Variants in KHDRBS2 observed in about 807,000 individuals in gnomAD.
KHDRBS2 encodes the protein KH RNA binding domain containing, signal transduction associated 2, also known as KH domain-containing, RNA-binding, signal transduction-associated protein 2.
Under a neutral mutation model 44.3 loss-of-function variants are expected in KHDRBS2, and 26 were observed. That is an observed-to-expected ratio of 0.59 (90% confidence interval 0.43 to 0.81). KHDRBS2 has a LOEUF of 0.81. Among genes scored for constraint, KHDRBS2 ranks in the 40% least tolerant of loss-of-function variants. The pLI is 0.00. For missense variants in KHDRBS2, 476 were observed against 433.1 expected, an observed-to-expected ratio of 1.10 and a Z score of -0.88; for synonymous variants, 194 against 151.1, an observed-to-expected ratio of 1.28 and a Z score of -2.08.
chr6:62,163,700 G>T (rs140144433), intron 2 of KHDRBS2, among the ~76,000 whole-genome samples: 1 of 151,950 alleles, frequency 6.6e-6, no homozygotes, highest in African/African-American at 2.4e-5. Context: ...AGGATCTTTG[G>T]TGCAGACAGA....
At chr6:61,598,831 T>A in the KHDRBS2 span, among the ~76,000 whole-genome samples, 1 of 43,578 alleles carries the variant, frequency 2.3e-5, no homozygotes, top group South Asian at 5.8e-4. Context: ...TGTCCTTTTT[T>A]CTTTTCTTTT....
chr6:61,683,356 T>TAA (rs1254114729), intron 8 of KHDRBS2, among the ~76,000 whole-genome samples: 2 of 151,872 alleles, frequency 1.3e-5, no homozygotes, highest in African/African-American at 4.8e-5. Flanking sequence ...ATTGATGAGC[T>TAA]AAAACTCTTC....
At chr6:61,566,129 G>T in the KHDRBS2 span, among the ~76,000 whole-genome samples, 6 of 152,118 alleles carry the variant, frequency 3.9e-5, no homozygotes, top group South Asian at 1.0e-3. Flanking sequence ...TGTAAAATAA[G>T]CCAGACATAG....
chr6:62,032,873 A>T (rs1784605419), intron 3 of KHDRBS2, among the ~76,000 whole-genome samples: 1 of 151,984 alleles, frequency 6.6e-6, no homozygotes, highest in Admixed American at 6.6e-5. Context: ...CTAAATAAGG[A>T]ACCAAAGATC....
the KHDRBS2 span, among the ~76,000 whole-genome samples, chr6:61,573,226 C>T: frequency 6.6e-6 from 1 of 151,616 alleles, no homozygotes; most frequent in African/African-American, 2.4e-5. Context: ...ACAACAGCTG[C>T]AAAAAAATAA....
At chr6:61,563,658 C>T in the KHDRBS2 span, among the ~76,000 whole-genome samples, 1 of 152,008 alleles carries the variant, frequency 6.6e-6, no homozygotes, top group African/African-American at 2.4e-5. Flanking sequence ...AGTCACAGCC[C>T]TTTTTACCTC....
Position 62,177,079 on chromosome 6 carries a change from T to C in KHDRBS2, c.219+106A>G, listed in dbSNP as rs182165791. 1.4e-3 allele frequency: 947 copies of C among 699,238 alleles called. 2 individuals carry two copies. Among genetic ancestry groups the C allele is most frequent in the Non-Finnish European group, 1.8e-3 (811 of 457,050 alleles). 43.3% of individuals were successfully genotyped at this position (699,238 alleles called of 1,614,324 possible). ...TATCATGTGCTTGCATACACTTACA[T>C]TATGAAGCTTCAAATATTTATTTTA... On this transcript the variant is annotated intron_variant, in intron 2 of 8. Transcript: ENST00000281156.
At chr6:61,993,875 G>T (rs1054330738) in intron 3 of KHDRBS2, among the ~76,000 whole-genome samples, 9 of 151,778 alleles carry the variant, frequency 5.9e-5, no homozygotes, top group Admixed American at 1.3e-4. Flanking sequence ...GGAAACAAAA[G>T]ATTTTTTGAC....
the KHDRBS2 span, among the ~76,000 whole-genome samples, chr6:61,589,369 C>G: frequency 1.3e-5 from 2 of 152,260 alleles, no homozygotes; most frequent in South Asian, 2.1e-4. Flanking sequence ...TCACTAAGGA[C>G]ACCTTTTGGG....
intron 3 of KHDRBS2, among the ~76,000 whole-genome samples, chr6:62,024,401 T>G (rs1782923266): frequency 6.6e-6 from 1 of 151,526 alleles, no homozygotes; most frequent in Non-Finnish European, 1.5e-5. Context: ...GTCAGGCATG[T>G]GCATAGTAAC....
At chr6:62,033,061 T>C (rs924384027) in intron 3 of KHDRBS2, among the ~76,000 whole-genome samples, 2 of 151,622 alleles carry the variant, frequency 1.3e-5, no homozygotes, top group African/African-American at 2.4e-5. Flanking sequence ...AGTTGAAAAA[T>C]GTAACTGGCA....
At chr6:61,678,096 C>G (rs1473168280), downstream of KHDRBS2, among the ~76,000 whole-genome samples, 6 of 151,552 alleles carry the variant, frequency 4.0e-5, no homozygotes, top group Non-Finnish European at 5.9e-5. Flanking sequence ...CAGACCAAGT[C>G]GATCATTAAA....
At chr6:61,630,593 T>C in the KHDRBS2 span, 1 of 152,202 alleles carries the variant, frequency 6.6e-6, no homozygotes, top group Non-Finnish European at 1.5e-5. Context: ...TGGTGAGTTG[T>C]ATGCTTACAG....
At chr6:61,830,203 G>A (rs1791573893) in intron 6 of KHDRBS2, among the ~76,000 whole-genome samples, 1 of 152,156 alleles carries the variant, frequency 6.6e-6, no homozygotes, top group East Asian at 1.9e-4. Context: ...TATGGGTAGA[G>A]CTTATTCTCA....
the KHDRBS2 span, among the ~76,000 whole-genome samples, chr6:61,552,543 G>C: frequency 1.3e-5 from 2 of 152,064 alleles, no homozygotes; most frequent in African/African-American, 4.8e-5. Flanking sequence ...ATGTTGACTA[G>C]GAGTGGTGAA....
intron 2 of KHDRBS2, among the ~76,000 whole-genome samples, chr6:62,108,653 TTC>T (rs1266023379): frequency 6.6e-6 from 1 of 152,222 alleles, no homozygotes; most frequent in African/African-American, 2.4e-5. Context: ...CACACGTATG[TTC>T]ATTGCGGCAC....
At chr6:61,710,145 G>T (rs1396796859) in intron 7 of KHDRBS2, among the ~76,000 whole-genome samples, 1 of 151,598 alleles carries the variant, frequency 6.6e-6, no homozygotes, top group Non-Finnish European at 1.5e-5. Flanking sequence ...GAAAGAATAT[G>T]TGAGTTGACA....
At chr6:62,255,734 T>C (rs990544136) in intron 1 of KHDRBS2, among the ~76,000 whole-genome samples, 1 of 151,844 alleles carries the variant, frequency 6.6e-6, no homozygotes, top group Admixed American at 6.6e-5. Flanking sequence ...TGGTACTCCA[T>C]CTCAGAATAC....
intron 2 of KHDRBS2, among the ~76,000 whole-genome samples, chr6:62,065,505 T>A (rs374032418): frequency 6.6e-6 from 1 of 150,804 alleles, no homozygotes; most frequent in Non-Finnish European, 1.5e-5. Flanking sequence ...AAATTGGAAA[T>A]CATCATTCTC....
Sources: allele counts gnomAD v4.1 joint callset (sites outside exome capture counted in the v4.1 genomes callset), GRCh38; gene constraint gnomAD v4.1.1; transcripts MANE v1.5; gene names NCBI Gene and HGNC (gene_info 2026-07-23, HGNC 2026-07-21).